Variants in F11 observed in about 807,000 individuals in gnomAD.
The protein encoded by F11 is coagulation factor XI, also known as coagualtion factor XI.
Under a neutral mutation model 76.5 loss-of-function variants are expected in F11, and 78 were observed. That is an observed-to-expected ratio of 1.02 (90% CI 0.85 to 1.23). The LOEUF (loss-of-function observed/expected upper bound fraction) is 1.23, where lower values mean the gene tolerates loss of function less well. F11 is among the 50% of genes most tolerant of loss of function. The pLI is 0.00. For missense variants in F11, 742 were observed against 771.4 expected, an observed-to-expected ratio of 0.96 and a Z score of 0.45; for synonymous variants, 278 against 276.3, an observed-to-expected ratio of 1.01 and a Z score of -0.06.
At chr4:186,270,616 G>A (rs1366551697) in intron 2 of F11, among the ~76,000 whole-genome samples, 1 of 151,568 alleles carries the variant, frequency 6.6e-6, no homozygotes, top group Non-Finnish European at 1.5e-5. Flanking sequence ...CCAATTAGGA[G>A]GGGGATATAT....
chr4:186,287,594 AT>A (rs1403219243), intron 13 of F11, 89 bp from the exon 14 acceptor site: 34 of 426,994 alleles, frequency 8.0e-5, no homozygotes, highest in African/African-American at 1.7e-4. Flanking sequence ...AATTAAAAAT[AT>A]ATATATATAT....
downstream of F11, among the ~76,000 whole-genome samples, chr4:186,290,445 C>A (rs1240062431): frequency 6.6e-6 from 1 of 152,174 alleles, no homozygotes; most frequent in Non-Finnish European, 1.5e-5. Context: ...ACAATACTAT[C>A]TTGTTACTTG....
At position 186,274,120 on chromosome 4, in the gene F11, C is replaced by T. The variant is rs776296885; in HGVS notation, c.330C>T (p.Cys110=). The T allele has an allele frequency of 2.5e-6, 4 of 1,614,114 alleles. No individual in the cohort carries two copies. The highest frequency in any genetic ancestry group is 2.5e-6 in the Non-Finnish European group (3 of 1,180,010). The change falls in exon 5 of 15, where the codon TGC becomes TGT. Residue 110 remains cysteine, a synonymous_variant. Transcript: ENST00000403665. The stretch of plus-strand genomic sequence containing the variant: ...GTCTTCTGCTTTTATTTCCAGCTTG[C>T]AACAAAGACATTTATGTGGACCTAG... ...FKQCSHQISA[C]NKDIYVDLDM...
At chr4:186,280,858 T>G in intron 10 of F11, among the ~76,000 whole-genome samples, 1 of 20,698 alleles carries the variant, frequency 4.8e-5, no homozygotes, top group African/African-American at 3.3e-4. Flanking sequence ...CTTTCTTTCT[T>G]TTTTTTTTTT....
chr4:186,275,939 T>G, intron 6 of F11, 43 bp downstream of exon 6: 1 of 1,433,188 alleles, frequency 7.0e-7, no homozygotes, highest in Non-Finnish European at 9.7e-7. Context: ...CCATTAAATA[T>G]GCTGATGATT....
At chr4:186,278,724 T>C (rs1740563389) in intron 7 of F11, among the ~76,000 whole-genome samples, 1 of 152,104 alleles carries the variant, frequency 6.6e-6, no homozygotes, top group African/African-American at 2.4e-5. Context: ...GGGCAAAGGG[T>C]TGAATTGGCA....
At chr4:186,281,896 C>T in intron 10 of F11, 1 of 1,243,232 alleles carries the variant, frequency 8.0e-7, no homozygotes, top group Non-Finnish European at 1.1e-6. Flanking sequence ...ATATTGCCTC[C>T]AACACTGGTA....
intron 3 of F11, among the ~76,000 whole-genome samples, chr4:186,272,654 A>C (rs1740065055): frequency 6.6e-6 from 1 of 152,256 alleles, no homozygotes; most frequent in Non-Finnish European, 1.5e-5. Context: ...ATGTCTTCTT[A>C]ATAACGCAGA....
In F11 at chr4:186,276,083, A is replaced by G. The variant is rs560936236; in HGVS notation, c.596-148A>G. ...TCTATTTAAATTTCCAGTTTAAAAT[A>G]ATCATGCCATTTTCTTCTAAATAAA... On this transcript the variant is annotated intron_variant, in intron 6 of 14. Coordinates refer to ENST00000403665, the MANE Select transcript of F11 (RefSeq NM_000128.4). 9 of 1,014,456 alleles carry G rather than the reference A, an allele frequency of 8.9e-6. No individual in the cohort carries two copies. In the Admixed American group the frequency reaches 1.8e-4, roughly 20 times the overall value. 62.8% of individuals were successfully genotyped at this position (1,014,456 alleles called of 1,614,324 possible). A position where few individuals can be genotyped will look rare whatever the true frequency, so the allele number is the denominator to read the frequency against.
chr4:186,278,314 C>T (rs1740532608), intron 7 of F11, among the ~76,000 whole-genome samples: 1 of 152,148 alleles, frequency 6.6e-6, no homozygotes, highest in Non-Finnish European at 1.5e-5. Flanking sequence ...GCCTCACTTT[C>T]CACTGAGTGA....
At chr4:186,279,314 G>A (rs139338150) in intron 7 of F11, among the ~76,000 whole-genome samples, 34 of 152,148 alleles carry the variant, frequency 2.2e-4, no homozygotes, top group African/African-American at 8.0e-4. Context: ...CCCGGGAGGC[G>A]GAGGTTGCAG....
At chr4:186,279,358 G>A (rs564498384) in intron 7 of F11, among the ~76,000 whole-genome samples, 2 of 152,002 alleles carry the variant, frequency 1.3e-5, no homozygotes, top group East Asian at 1.9e-4. Context: ...CTCCAGCCTG[G>A]GTGACAAGAG....
chr4:186,284,665 T>C (rs1741057541), intron 11 of F11, among the ~76,000 whole-genome samples: 1 of 151,948 alleles, frequency 6.6e-6, no homozygotes, highest in Non-Finnish European at 1.5e-5. Flanking sequence ...ATACAGAAAG[T>C]GGCCAGGTGT....
In F11 at chr4:186,273,165, C is replaced by T. The variant is rs1453551656; in HGVS notation, c.313C>T (p.His105Tyr). 2 of 1,612,446 alleles carry T rather than the reference C, an allele frequency of 1.2e-6. No homozygotes were observed. The highest frequency in any genetic ancestry group is 4.5e-5 in the East Asian group (2 of 44,852). Residue 105 changes from histidine to tyrosine, a missense_variant, in exon 4 of 15, where the codon CAC (histidine) becomes TAC (tyrosine). His to Tyr is a moderately conservative substitution (Grantham distance 83). Coordinates refer to ENST00000403665, the MANE Select transcript of F11 (RefSeq NM_000128.4). ...TGGGTATTCTTTCAAGCAATGCTCA[C>T]ACCAAATAAGCGGTAAGATATGTTC... is the stretch of plus-strand genomic sequence containing the variant. ...ISGYSFKQCS[H>Y]QISACNKDIY... is the part of the protein sequence containing the mutation.
At chr4:186,268,793 T>G (rs1739698109) in intron 2 of F11, among the ~76,000 whole-genome samples, 1 of 152,156 alleles carries the variant, frequency 6.6e-6, no homozygotes, top group Non-Finnish European at 1.5e-5. Context: ...TGTAACCGAA[T>G]CAGTGTTGAG....
In F11 at chr4:186,278,502, G is replaced by A. The variant is rs918007278; in HGVS notation, c.756-1510G>A. ...AAAACTTTGCCTATTGGACCAGAGT[G>A]GAGATGAGAGAGAAGTGACCAGATC... On this transcript the variant is annotated intron_variant, in intron 7 of 14. Transcript: ENST00000403665. 2.0e-5 allele frequency among the ~76,000 whole-genome samples: 3 copies of A among 152,314 alleles called. No homozygotes were observed. In the East Asian group the frequency reaches 5.8e-4, roughly 29 times the overall value.
At chr4:186,290,287 C>T (rs1741480501), downstream of F11, among the ~76,000 whole-genome samples, 1 of 152,116 alleles carries the variant, frequency 6.6e-6, no homozygotes, top group Non-Finnish European at 1.5e-5. Context: ...AGCAAAATGA[C>T]AGTAGAACAT....
chr4:186,287,978 C>T (rs896996653), intron 14 of F11, among the ~76,000 whole-genome samples, 155 bp downstream of exon 14: 3 of 151,780 alleles, frequency 2.0e-5, no homozygotes, highest in Non-Finnish European at 4.4e-5. Context: ...GATCTCAGCT[C>T]ACTGCAAGCT....
At chr4:186,290,363 G>A (rs1741483971), downstream of F11, among the ~76,000 whole-genome samples, 1 of 152,094 alleles carries the variant, frequency 6.6e-6, no homozygotes, top group Admixed American at 6.6e-5. Context: ...GACATGACGG[G>A]GCCAGATCCA....
Sources: gnomAD v4.1 joint callset for allele counts (sites outside exome capture counted in the v4.1 genomes callset) on GRCh38, gnomAD v4.1.1 for gene constraint, MANE v1.5 for transcripts, NCBI Gene and HGNC (gene_info 2026-07-23, HGNC 2026-07-21) for gene names.